GABRB1: variants seen among roughly 807,000 people sequenced by gnomAD.
GABRB1 encodes gamma-aminobutyric acid receptor subunit beta-1.
In GABRB1, 17 loss-of-function variants were observed where a neutral mutation model predicts 51.6. The observed-to-expected ratio is 0.33, with a 90% CI of 0.23 to 0.49. The LOEUF (loss-of-function observed/expected upper bound fraction) is 0.49. GABRB1 is among the 20% of genes least tolerant of loss of function. The pLI is 0.99. For missense variants in GABRB1, 410 were observed against 600.6 expected (o/e 0.68, Z 3.32); for synonymous variants, 247 against 218.9 (o/e 1.13, Z -1.14).
chr4:47,354,046 T>C (rs1270897555), intron 5 of GABRB1, among the ~76,000 whole-genome samples: 1 of 152,120 alleles, frequency 6.6e-6, no homozygotes, highest in Non-Finnish European at 1.5e-5. Flanking sequence ...GGTTGGGAAA[T>C]AGTTACTGCT....
chr4:47,229,319 G>A (rs1311553955), intron 4 of GABRB1, among the ~76,000 whole-genome samples: 1 of 152,096 alleles, frequency 6.6e-6, no homozygotes, highest in Non-Finnish European at 1.5e-5. Context: ...AAAAATAAGA[G>A]GGGCCAAATG....
chr4:47,236,051 G>T (rs1435962604), intron 4 of GABRB1, among the ~76,000 whole-genome samples: 3 of 151,778 alleles, frequency 2.0e-5, no homozygotes, highest in Admixed American at 1.3e-4. Flanking sequence ...AAAATATGGT[G>T]CCAGAAATTG....
At chr4:47,028,171 T>G (rs979387198), upstream of GABRB1, among the ~76,000 whole-genome samples, 3 of 151,718 alleles carry the variant, frequency 2.0e-5, no homozygotes, top group Non-Finnish European at 3.0e-5. Context: ...TTTTTAAATA[T>G]TTTCTATTTT....
At chr4:47,013,340 A>T (rs1008109851) in intron 1 of GABRB1, among the ~76,000 whole-genome samples, 4 of 152,110 alleles carry the variant, frequency 2.6e-5, no homozygotes, top group Non-Finnish European at 5.9e-5. Context: ...TTGTATTTTT[A>T]TTAGAGGCAG....
intron 4 of GABRB1, among the ~76,000 whole-genome samples, chr4:47,166,357 G>A (rs545189290): frequency 2.0e-5 from 3 of 151,912 alleles, no homozygotes; most frequent in Non-Finnish European, 4.4e-5. Flanking sequence ...CCCTGAGACA[G>A]CAAGAAGGAC....
Position 47,116,859 on chromosome 4 carries a change from T to C in GABRB1, c.241-44390T>C, listed in dbSNP as rs1230829018. ...GAGGCTTCAGGGAAACTTACAATCA[T>C]GGCAGAAGGGCAAGGGGAAGCAGGC... On this transcript the variant is annotated intron_variant, in intron 3 of 8. Transcript: ENST00000295454. Among the ~76,000 whole-genome samples, 5 of 152,240 alleles carry C rather than the reference T, an allele frequency of 3.3e-5. No individual in the cohort carries two copies. The East Asian group carries it at 5.8e-4, about 18-fold the overall frequency.
intron 3 of GABRB1, among the ~76,000 whole-genome samples, chr4:47,102,956 A>G (rs898245076): frequency 1.4e-4 from 21 of 152,060 alleles, no homozygotes; most frequent in African/African-American, 4.8e-4. Flanking sequence ...ACTTGTGATT[A>G]CCTAGAGGCA....
At chr4:46,999,483 T>A (rs550784470) in intron 1 of GABRB1, among the ~76,000 whole-genome samples, 1 of 152,280 alleles carries the variant, frequency 6.6e-6, no homozygotes, top group East Asian at 1.9e-4. Flanking sequence ...ACAAATTAAA[T>A]GTCATTTAAC....
intron 3 of GABRB1, among the ~76,000 whole-genome samples, chr4:47,089,649 A>T (rs575761298): frequency 1.3e-5 from 2 of 152,338 alleles, no homozygotes; most frequent in African/African-American, 4.8e-5. Context: ...TTAAGAATTC[A>T]AATATTCAGA....
At chr4:47,314,164 T>C (rs1278309268) in intron 4 of GABRB1, among the ~76,000 whole-genome samples, 2 of 152,062 alleles carry the variant, frequency 1.3e-5, no homozygotes, top group African/African-American at 2.4e-5. Context: ...CAATGAGTTA[T>C]GGTAAAGTCT....
chr4:47,418,062 T>C (rs1728985010), intron 8 of GABRB1, among the ~76,000 whole-genome samples: 1 of 152,204 alleles, frequency 6.6e-6, no homozygotes, highest in African/African-American at 2.4e-5. Context: ...GTAAATTCAC[T>C]TCAGATTTCT....
At chr4:47,014,963 A>G (rs911954471) in intron 1 of GABRB1, among the ~76,000 whole-genome samples, 10 of 152,126 alleles carry the variant, frequency 6.6e-5, no homozygotes, top group Non-Finnish European at 1.5e-4. Flanking sequence ...CTGGAGTGCA[A>G]TGGCACGATT....
intron 5 of GABRB1, among the ~76,000 whole-genome samples, chr4:47,355,285 C>T (rs1300924861): frequency 6.6e-6 from 1 of 151,924 alleles, no homozygotes; most frequent in Non-Finnish European, 1.5e-5. Context: ...ATGGCCTAGT[C>T]ATATCATCTT....
intron 3 of GABRB1, among the ~76,000 whole-genome samples, chr4:47,130,466 A>C (rs1487959155): frequency 6.6e-6 from 1 of 151,988 alleles, no homozygotes. Flanking sequence ...CAGCCTTTGC[A>C]CAAGTTGTCC....
intron 4 of GABRB1, among the ~76,000 whole-genome samples, chr4:47,311,077 A>C (rs1003635997): frequency 1.3e-5 from 2 of 150,342 alleles, no homozygotes; most frequent in Non-Finnish European, 3.0e-5. Context: ...AAAAAAAAAA[A>C]AAAAAACATG....
chr4:47,121,482 A>C (rs1164250407), intron 3 of GABRB1, among the ~76,000 whole-genome samples: 1 of 152,068 alleles, frequency 6.6e-6, no homozygotes, highest in Non-Finnish European at 1.5e-5. Context: ...TTGTGTCAAT[A>C]GTTGTTAAAT....
chr4:47,067,676 C>G (rs1191422477), intron 3 of GABRB1, among the ~76,000 whole-genome samples: 2 of 151,510 alleles, frequency 1.3e-5, no homozygotes, highest in African/African-American at 2.4e-5. Context: ...GCTCTGTCGC[C>G]CAGGCTGGAG....
rs77033018 is a variant in GABRB1 at position 47,412,845 on chromosome 4, T to G, written c.1080+5919T>G. 9.4e-3 allele frequency among the ~76,000 whole-genome samples: 1,431 copies of G among 152,320 alleles called. 31 individuals are homozygous for G. Among genetic ancestry groups the G allele is most frequent in the African/African-American group, 0.032 (1,312 of 41,562 alleles). On this transcript the variant is annotated intron_variant, in intron 8 of 8. Coordinates refer to ENST00000295454, the MANE Select transcript of GABRB1 (RefSeq NM_000812.4). ...ATGAAAGATTGGTCAGACCAGGTCT[T>G]CCATTTGCATAAGGCTCAAAAAACT...
intron 4 of GABRB1, among the ~76,000 whole-genome samples, chr4:47,200,967 T>C (rs1719874444): frequency 6.6e-6 from 1 of 152,156 alleles, no homozygotes; most frequent in Non-Finnish European, 1.5e-5. Flanking sequence ...AGATCACAAA[T>C]TTAGACATGC....
Sources: allele counts gnomAD v4.1 joint callset (sites outside exome capture counted in the v4.1 genomes callset), GRCh38; gene constraint gnomAD v4.1.1; transcripts MANE v1.5; gene names NCBI Gene and HGNC (gene_info 2026-07-23, HGNC 2026-07-21).